The following CLPTM1 variants were observed in gnomAD, a reference collection of about 807,000 sequenced individuals.
The protein encoded by CLPTM1 is CLPTM1 regulator of GABA type A receptor forward trafficking, also known as putative lipid scramblase CLPTM1.
Under a neutral mutation model 77.3 loss-of-function variants are expected in CLPTM1, and 21 were observed. The ratio of observed to expected loss-of-function variants is 0.27; its 90% confidence interval spans 0.19 to 0.39. CLPTM1 has a LOEUF of 0.39. Ranked by LOEUF, CLPTM1 falls within the 10% of genes least tolerant of loss-of-function variation. The pLI, the probability that CLPTM1 is intolerant of heterozygous loss-of-function variation, is 1.00. For missense variants in CLPTM1, 642 were observed against 921.2 expected, an observed-to-expected ratio of 0.70 and a Z score of 3.92; for synonymous variants, 373 against 381.0, an observed-to-expected ratio of 0.98 and a Z score of 0.24.
At chr19:44,987,991 C>A in intron 8 of CLPTM1, 89 bp from the exon 9 acceptor site, 1 of 952,994 alleles carries the variant, frequency 1.0e-6, no homozygotes, top group Non-Finnish European at 1.7e-6. Flanking sequence ...CCTCCCTCTA[C>A]AGGCGGCCCC....
rs751668282 is a variant in CLPTM1, at chr19:44,992,542, T to C, written c.1724-69T>C. Reference sequence around the variant, plus strand: ...TCGGCCCCGCCCTTGCATCACGCCCTCTCCACCCAGGCCCACCTGGCTGTG... The same window carrying C: ...TCGGCCCCGCCCTTGCATCACGCCCCCTCCACCCAGGCCCACCTGGCTGTG... On this transcript the variant is annotated intron_variant, in intron 13 of 13. Transcript: ENST00000337392. The surrounding 1 kb of genome is among the most constrained non-coding windows in gnomAD (Gnocchi z 7.7). 6.2e-7 allele frequency: 1 copy of C among 1,601,718 alleles called. No homozygotes were observed. Among genetic ancestry groups the C allele is most frequent in the East Asian group, 2.2e-5 (1 of 44,694 alleles).
In CLPTM1 at chr19:44,992,149, G is replaced by A. The variant is rs1219060869; in HGVS notation, c.1556-84G>A. 6.9e-7 allele frequency: 1 copy of A among 1,439,840 alleles called. No homozygotes were observed. The allele number at this position is 1,439,840 out of a possible 1,614,324, so 89.2% of individuals were successfully genotyped here. A position where few individuals can be genotyped will look rare whatever the true frequency, so the allele number is the denominator to read the frequency against. ...AGTGTGCCCAGGTGTAGGAAGTGGT[G>A]AGGGGGCTGGTATGGCCAGTGCAGA... is the stretch of plus-strand genomic sequence containing the variant. On this transcript the variant is annotated intron_variant, in intron 12 of 13. Transcript: ENST00000337392. The surrounding 1 kb of genome is among the most constrained non-coding windows in gnomAD (Gnocchi z 7.7).
chr19:44,990,300 GGT>G lies in CLPTM1; in HGVS notation c.1133-91_1133-90del. The stretch of plus-strand genomic sequence containing the variant: ...TCCTGAGGACCCAGCCCCACCCCAG[GGT>G]GTGAGGATGCAGGCCAAGGGGGCCT... On this transcript the variant is annotated intron_variant, in intron 9 of 13. Coordinates refer to ENST00000337392, the MANE Select transcript of CLPTM1 (RefSeq NM_001294.4). This position sits in a 1 kb window ranked among gnomAD's most constrained non-coding sequence, Gnocchi z 4.8. 7.6e-7 allele frequency: 1 copy of G among 1,313,010 alleles called. No individual in the cohort carries two copies. Among genetic ancestry groups the G allele is most frequent in the South Asian group, 1.3e-5 (1 of 75,106 alleles). 81.3% of individuals were successfully genotyped at this position (1,313,010 alleles called of 1,614,324 possible).
At chr19:44,970,842 T>C (rs991510348) in intron 2 of CLPTM1, among the ~76,000 whole-genome samples, 23 of 144,442 alleles carry the variant, frequency 1.6e-4, no homozygotes, top group Middle Eastern at 3.4e-3. Context: ...TTTTTTTTTT[T>C]CCTTGAGATG....
At chr19:44,967,536 A>G (rs1362548606) in intron 2 of CLPTM1, among the ~76,000 whole-genome samples, 2 of 152,104 alleles carry the variant, frequency 1.3e-5, no homozygotes, top group East Asian at 1.9e-4. Context: ...TTATGCCTGT[A>G]ATCCCAGCTA....
rs1235746764 is a variant in CLPTM1, at chr19:44,973,067, C to G, written c.186-20C>G. On this transcript the variant is annotated intron_variant, in intron 2 of 13. Coordinates refer to ENST00000337392, the MANE Select transcript of CLPTM1 (RefSeq NM_001294.4). ...GAGCCAAGGCTTGGGGACTCACCAC[C>G]TTGCTGCTTCTCTCCTCAGGATCTT... is the stretch of plus-strand genomic sequence containing the variant. 2 of 1,612,084 alleles carry G rather than the reference C, an allele frequency of 1.2e-6. No homozygotes were observed. The highest frequency in any genetic ancestry group is 2.7e-5 in the African/African-American group (2 of 74,904).
chr19:44,979,094 C>T (rs550242279), intron 5 of CLPTM1, among the ~76,000 whole-genome samples: 1 of 151,814 alleles, frequency 6.6e-6, no homozygotes, highest in Non-Finnish European at 1.5e-5. Flanking sequence ...ATTCTCCCAC[C>T]TTAGCCTCCA....
intron 2 of CLPTM1, among the ~76,000 whole-genome samples, chr19:44,971,867 C>CTTTTTTT (rs10693027): frequency 3.5e-4 from 29 of 83,264 alleles, no homozygotes; most frequent in Admixed American, 5.4e-4. Context: ...CCCAATTATA[C>CTTTTTTT]TTTTTTTTTT....
intron 1 of CLPTM1, 36 bp downstream of exon 1, chr19:44,955,503 C>T (rs1970448212): frequency 3.1e-6 from 4 of 1,270,178 alleles, no homozygotes; most frequent in Non-Finnish European, 4.0e-6. Context: ...GGGGTTCTTC[C>T]CCAGCCGGGG....
At chr19:44,961,894 T>C (rs1970548770) in intron 1 of CLPTM1, 69 bp from the exon 2 acceptor site, 1 of 1,015,598 alleles carries the variant, frequency 9.8e-7, no homozygotes, top group Non-Finnish European at 1.4e-6. Flanking sequence ...CTGGCCTTCA[T>C]GCATGATGGT....
intron 6 of CLPTM1, 39 bp downstream of exon 6, chr19:44,985,342 C>A: frequency 1.4e-6 from 2 of 1,390,570 alleles, no homozygotes; most frequent in South Asian, 1.2e-5. Context: ...AGGGACCAAG[C>A]CAGGCCATTC....
At chr19:44,987,089 G>T (rs1970990148) in intron 7 of CLPTM1, 90 bp from the exon 8 acceptor site, 1 of 1,470,898 alleles carries the variant, frequency 6.8e-7, no homozygotes, top group Non-Finnish European at 9.2e-7. Flanking sequence ...CTGTAGAGGG[G>T]CCCTGTTGGG....
chr19:44,980,982 C>T (rs1018039975), intron 5 of CLPTM1, among the ~76,000 whole-genome samples: 19 of 151,598 alleles, frequency 1.3e-4, no homozygotes, highest in African/African-American at 2.9e-4. Flanking sequence ...GGACTACAGG[C>T]GCCCGCCACC....
intron 5 of CLPTM1, among the ~76,000 whole-genome samples, chr19:44,984,809 T>A (rs1568388195): frequency 6.6e-6 from 1 of 152,052 alleles, no homozygotes; most frequent in Non-Finnish European, 1.5e-5. Context: ...GCCTCAGCCT[T>A]CCGAGTAGCT....
intron 2 of CLPTM1, among the ~76,000 whole-genome samples, chr19:44,964,873 C>T (rs1200815808): frequency 6.6e-6 from 1 of 152,132 alleles, no homozygotes; most frequent in Non-Finnish European, 1.5e-5. Flanking sequence ...GGTGGTGACC[C>T]TTTTACCTGT....
chr19:44,955,477 C>T lies in CLPTM1; in HGVS notation c.72+10C>T. The T allele has an allele frequency of 1.5e-6, 2 of 1,309,360 alleles. No homozygotes were observed. The highest frequency in any genetic ancestry group is 1.9e-6 in the Non-Finnish European group (2 of 1,028,846). The allele number at this position is 1,309,360 out of a possible 1,614,324, so 81.1% of individuals were successfully genotyped here. On this transcript the variant is annotated intron_variant, in intron 1 of 13. Coordinates refer to ENST00000337392, the MANE Select transcript of CLPTM1 (RefSeq NM_001294.4). The stretch of plus-strand genomic sequence containing the variant: ...AGGCAGCTCCGGTCAGGTACGGAGG[C>T]CGAGAGGGGACTGAGGGGGTTCTTC...
At chr19:44,968,893 A>G (rs985089522) in intron 2 of CLPTM1, among the ~76,000 whole-genome samples, 3 of 152,116 alleles carry the variant, frequency 2.0e-5, no homozygotes, top group African/African-American at 4.8e-5. Context: ...CAGGGACTTC[A>G]TGGGGAGGTA....
rs112842482 is a variant in CLPTM1 at position 44,958,624 on chromosome 19, G to A, written c.72+3157G>A. On this transcript the variant is annotated intron_variant, in intron 1 of 13. Transcript: ENST00000337392. ...TGACCTCAGGTGATCTGCCCACCTC[G>A]GCCTCCCAAAGTGCTGGGATTTCAG... Among the ~76,000 whole-genome samples the A allele has an allele frequency of 6.6e-5, 10 of 152,180 alleles. No individual in the cohort carries two copies. The East Asian group carries it at 1.5e-3, about 24-fold the overall frequency.
chr19:44,955,401 G>GGCGGCGCAGGAGGCGGACGGGGCCC lies in CLPTM1; in HGVS notation c.9_33dup (p.Ser12GlyfsTer59). 1.5e-6 allele frequency: 2 copies of GGCGGCGCAGGAGGCGGACGGGGCCC among 1,341,026 alleles called. No homozygotes were observed. The highest frequency in any genetic ancestry group is 1.9e-6 in the Non-Finnish European group (2 of 1,046,798). The allele number at this position is 1,341,026 out of a possible 1,614,324, so 83.1% of individuals were successfully genotyped here. On this transcript the variant is annotated frameshift_variant, in exon 1 of 14. Coordinates refer to ENST00000337392, the MANE Select transcript of CLPTM1 (RefSeq NM_001294.4). LOFTEE classifies it high-confidence loss of function. ...CGGGGACCCGGAGCGGGAAGATGGC[G>GGCGGCGCAGGAGGCGGACGGGGCCC]GCGGCGCAGGAGGCGGACGGGGCCC... is the stretch of plus-strand genomic sequence containing the variant.
Sources: gnomAD v4.1 joint callset for allele counts (sites outside exome capture counted in the v4.1 genomes callset) on GRCh38, gnomAD v4.1.1 for gene constraint, Gnocchi (gnomAD v3.1) non-coding constraint, MANE v1.5 for transcripts, NCBI Gene and HGNC (gene_info 2026-07-23, HGNC 2026-07-21) for gene names.